The following HS6ST3 variants were observed in gnomAD, a reference collection of about 807,000 sequenced individuals.
The protein encoded by HS6ST3 is heparan-sulfate 6-O-sulfotransferase 3.
Under a neutral mutation model 36.7 loss-of-function variants are expected in HS6ST3, and 12 were observed. The ratio of observed to expected loss-of-function variants is 0.33; its 90% confidence interval spans 0.21 to 0.53. The LOEUF is 0.53. Among genes scored for constraint, HS6ST3 ranks in the 20% least tolerant of loss-of-function variants. HS6ST3 has a pLI of 0.95. For missense variants in HS6ST3, 584 were observed against 640.9 expected, an observed-to-expected ratio of 0.91 and a Z score of 0.96; for synonymous variants, 240 against 257.5, an observed-to-expected ratio of 0.93 and a Z score of 0.65.
chr13:96,442,307 C>T (rs565010815), intron 1 of HS6ST3, among the ~76,000 whole-genome samples: 292 of 152,122 alleles, frequency 1.9e-3, no homozygotes, highest in African/African-American at 6.5e-3. Flanking sequence ...AGCCACTGCC[C>T]GTGGCTGAAA....
intron 1 of HS6ST3, among the ~76,000 whole-genome samples, chr13:96,393,952 T>C (rs2055408342): frequency 6.6e-6 from 1 of 152,220 alleles, no homozygotes; most frequent in Non-Finnish European, 1.5e-5. Context: ...TAGCTCATGA[T>C]GCCAGAAAAT....
intron 1 of HS6ST3, among the ~76,000 whole-genome samples, chr13:96,156,637 T>G (rs74678693): frequency 6.6e-6 from 1 of 152,260 alleles, no homozygotes; most frequent in East Asian, 1.9e-4. Flanking sequence ...ATGGGCTTTG[T>G]GTGGGGAAGA....
At chr13:96,214,649 A>G (rs997488599) in intron 1 of HS6ST3, among the ~76,000 whole-genome samples, 3 of 152,136 alleles carry the variant, frequency 2.0e-5, no homozygotes, top group African/African-American at 7.2e-5. Context: ...AGGGCCCAGA[A>G]TTGGTTGGTA....
chr13:96,251,953 A>G (rs2054609907), intron 1 of HS6ST3, among the ~76,000 whole-genome samples: 1 of 152,184 alleles, frequency 6.6e-6, no homozygotes, highest in African/African-American at 2.4e-5. Flanking sequence ...AATATTGTTA[A>G]GACTGGTTTT....
chr13:96,255,969 C>G (rs9525171), intron 1 of HS6ST3, among the ~76,000 whole-genome samples: 80,523 of 151,774 alleles, frequency 0.53, 21,850 homozygotes, highest in Admixed American at 0.65. Context: ...TTAACCAACT[C>G]ATGTCCCATG....
chr13:96,230,322 A>G (rs907392754), intron 1 of HS6ST3, among the ~76,000 whole-genome samples: 1 of 152,156 alleles, frequency 6.6e-6, no homozygotes, highest in Non-Finnish European at 1.5e-5. Flanking sequence ...GAGGCTTGGA[A>G]CGGAGAGGGT....
intron 1 of HS6ST3, among the ~76,000 whole-genome samples, chr13:96,442,780 A>T (rs79197494): frequency 1.1e-5 from 1 of 90,178 alleles, no homozygotes; most frequent in Non-Finnish European, 2.3e-5. Context: ...ATTGGAAGTA[A>T]AAAAAAAAAA....
chr13:96,495,159 C>T (rs2055968623), intron 1 of HS6ST3, among the ~76,000 whole-genome samples: 1 of 152,024 alleles, frequency 6.6e-6, no homozygotes, highest in African/African-American at 2.4e-5. Flanking sequence ...TTACACAGCC[C>T]GTTTATAACA....
At chr13:96,409,778 C>G (rs748225490) in intron 1 of HS6ST3, among the ~76,000 whole-genome samples, 4 of 152,016 alleles carry the variant, frequency 2.6e-5, no homozygotes, top group Admixed American at 6.6e-5. Context: ...CTGACTAATT[C>G]AAGGACACAA....
rs917739703 is a variant in HS6ST3, at chr13:96,574,286, G to C, written c.708-258204G>C. 1.8e-5 allele frequency: 7 copies of C among 380,910 alleles called. No individual in the cohort carries two copies. In the Admixed American group the frequency reaches 2.2e-4, roughly 12 times the overall value. 23.6% of individuals were successfully genotyped at this position (380,910 alleles called of 1,614,324 possible). On this transcript the variant is annotated intron_variant, in intron 1 of 1. Coordinates refer to ENST00000376705, the MANE Select transcript of HS6ST3 (RefSeq NM_153456.4). ...TGGGATTTAAACTGAATTCATTAAGGAAAAAGGCATCAAACGTACCGCCTC... is the reference window on the plus strand; with the variant it reads ...TGGGATTTAAACTGAATTCATTAAGCAAAAAGGCATCAAACGTACCGCCTC...
At chr13:96,693,371 C>G (rs1324086771) in intron 1 of HS6ST3, among the ~76,000 whole-genome samples, 1 of 152,166 alleles carries the variant, frequency 6.6e-6, no homozygotes, top group Non-Finnish European at 1.5e-5. Flanking sequence ...ATGGCGCAAC[C>G]TTGGCTCACT....
chr13:96,204,886 A>G (rs1363611312), intron 1 of HS6ST3, among the ~76,000 whole-genome samples: 3 of 152,188 alleles, frequency 2.0e-5, no homozygotes, highest in African/African-American at 7.2e-5. Flanking sequence ...CACATCAAAA[A>G]GCTAGAAAGA....
intron 1 of HS6ST3, among the ~76,000 whole-genome samples, chr13:96,383,187 C>T (rs2055350161): frequency 6.6e-6 from 1 of 151,882 alleles, no homozygotes; most frequent in Non-Finnish European, 1.5e-5. Context: ...CATGGTGGCT[C>T]ACTCCTGTAA....
At chr13:96,777,338 C>T (rs970685299) in intron 1 of HS6ST3, among the ~76,000 whole-genome samples, 5 of 152,058 alleles carry the variant, frequency 3.3e-5, no homozygotes, top group African/African-American at 1.2e-4. Flanking sequence ...GAAGCTTTGG[C>T]CAGAGAAAGA....
intron 1 of HS6ST3, among the ~76,000 whole-genome samples, chr13:96,633,747 G>C (rs1291849864): frequency 6.6e-6 from 1 of 152,188 alleles, no homozygotes; most frequent in African/African-American, 2.4e-5. Context: ...GTATGACTGA[G>C]AGTAAGGTGA....
At chr13:96,822,959 G>C (rs150635501) in intron 1 of HS6ST3, among the ~76,000 whole-genome samples, 34 of 152,284 alleles carry the variant, frequency 2.2e-4, no homozygotes, top group African/African-American at 7.9e-4. Context: ...AATCTCTTTG[G>C]AAAGTTGTTT....
intron 1 of HS6ST3, among the ~76,000 whole-genome samples, chr13:96,301,448 G>A (rs949240540): frequency 1.3e-5 from 2 of 152,168 alleles, no homozygotes; most frequent in African/African-American, 4.8e-5. Flanking sequence ...AGTGCAATGG[G>A]AAGAAAGCTT....
At chr13:96,514,289 A>G (rs1343235197) in intron 1 of HS6ST3, among the ~76,000 whole-genome samples, 4 of 152,204 alleles carry the variant, frequency 2.6e-5, no homozygotes, top group Admixed American at 2.6e-4. Flanking sequence ...TTGAAGGTGC[A>G]GCCAGCAGGA....
intron 1 of HS6ST3, among the ~76,000 whole-genome samples, chr13:96,662,515 GGTGTGTGT>G (rs144795600): frequency 0.013 from 1,862 of 147,830 alleles, 32 homozygotes; most frequent in African/African-American, 0.043. Flanking sequence ...GTGTGTATGG[GGTGTGTGT>G]GTGTGTGTGT....
Sources: allele counts gnomAD v4.1 joint callset (sites outside exome capture counted in the v4.1 genomes callset), GRCh38; gene constraint gnomAD v4.1.1; transcripts MANE v1.5; gene names NCBI Gene and HGNC (gene_info 2026-07-23, HGNC 2026-07-21).